The following ENTREP2 variants were observed in gnomAD, a reference collection of about 807,000 sequenced individuals.
ENTREP2 encodes the protein endosomal transmembrane epsin interactor 2.
At chr15:29,572,684 A>C in the ENTREP2 span, among the ~76,000 whole-genome samples, 1 of 152,092 alleles carries the variant, frequency 6.6e-6, no homozygotes, top group Non-Finnish European at 1.5e-5. Context: ...ATACTATTCA[A>C]AAAATAGTAT....
the ENTREP2 span, among the ~76,000 whole-genome samples, chr15:29,462,124 AC>A: frequency 6.6e-6 from 1 of 152,038 alleles, no homozygotes; most frequent in Non-Finnish European, 1.5e-5. Context: ...ACAGGTGTAA[AC>A]CACATTCTGT....
chr15:29,411,216 G>A, the ENTREP2 span, among the ~76,000 whole-genome samples: 1 of 152,194 alleles, frequency 6.6e-6, no homozygotes, highest in Non-Finnish European at 1.5e-5. Context: ...ATATGCTTAT[G>A]AGTAGAACTG....
At chr15:29,320,504 A>C in the ENTREP2 span, among the ~76,000 whole-genome samples, 1 of 152,228 alleles carries the variant, frequency 6.6e-6, no homozygotes, top group Non-Finnish European at 1.5e-5. Flanking sequence ...GGTAAAAGGC[A>C]AGGAAAAAAG....
At chr15:29,236,463 T>C in the ENTREP2 span, among the ~76,000 whole-genome samples, 4 of 151,738 alleles carry the variant, frequency 2.6e-5, no homozygotes, top group African/African-American at 9.7e-5. Flanking sequence ...CTGGGCAACA[T>C]AGTGAGACTT....
the ENTREP2 span, among the ~76,000 whole-genome samples, chr15:29,378,144 G>A: frequency 6.6e-6 from 1 of 151,604 alleles, no homozygotes; most frequent in Admixed American, 6.6e-5. Context: ...CATTACTTAA[G>A]GTGTGGAAGC....
At chr15:29,465,997 A>G in the ENTREP2 span, among the ~76,000 whole-genome samples, 62 of 152,330 alleles carry the variant, frequency 4.1e-4, no homozygotes, top group African/African-American at 1.4e-3. Flanking sequence ...TGCCAGGTTC[A>G]TTCATTTATC....
the ENTREP2 span, among the ~76,000 whole-genome samples, chr15:29,150,992 A>C: frequency 6.6e-6 from 1 of 152,104 alleles, no homozygotes; most frequent in Non-Finnish European, 1.5e-5. Flanking sequence ...GTGCGCATAG[A>C]TATTCCTACC....
At chr15:29,333,694 T>C in the ENTREP2 span, among the ~76,000 whole-genome samples, 2 of 152,180 alleles carry the variant, frequency 1.3e-5, no homozygotes, top group African/African-American at 2.4e-5. Flanking sequence ...GTGGTTATCC[T>C]ATGTTATGGG....
chr15:29,492,258 G>T, the ENTREP2 span, among the ~76,000 whole-genome samples: 2 of 152,170 alleles, frequency 1.3e-5, no homozygotes, highest in African/African-American at 4.8e-5. Flanking sequence ...CAAAGTCATT[G>T]TAAGAATTAG....
chr15:29,654,626 A>G, the ENTREP2 span, among the ~76,000 whole-genome samples: 5 of 152,202 alleles, frequency 3.3e-5, no homozygotes, highest in African/African-American at 1.2e-4. Context: ...GGTGAGATCC[A>G]TATCTCTATG....
chr15:29,235,887 C>T, the ENTREP2 span, among the ~76,000 whole-genome samples: 2 of 151,876 alleles, frequency 1.3e-5, no homozygotes, highest in Non-Finnish European at 2.9e-5. Flanking sequence ...TGCTTGAACC[C>T]GTGAGGCAGA....
the ENTREP2 span, among the ~76,000 whole-genome samples, chr15:29,314,766 A>C: frequency 6.6e-6 from 1 of 152,202 alleles, no homozygotes; most frequent in Non-Finnish European, 1.5e-5. Context: ...AAAATGTAAT[A>C]GAAGGCCAGG....
the ENTREP2 span, among the ~76,000 whole-genome samples, chr15:29,583,058 G>A: frequency 6.6e-6 from 1 of 152,278 alleles, no homozygotes; most frequent in African/African-American, 2.4e-5. Context: ...AAATTTCTGA[G>A]CTCTAAAGAA....
the ENTREP2 span, among the ~76,000 whole-genome samples, chr15:29,450,814 C>T: frequency 1.3e-5 from 2 of 152,082 alleles, no homozygotes; most frequent in Non-Finnish European, 2.9e-5. Flanking sequence ...TGCAAAGGAA[C>T]ATAGATGGCC....
chr15:29,565,730 G>C, the ENTREP2 span, among the ~76,000 whole-genome samples: 855 of 152,266 alleles, frequency 5.6e-3, 8 homozygotes, highest in African/African-American at 0.019. Flanking sequence ...TTGGGAGGCT[G>C]AGGCAGGCGG....
chr15:29,233,456 T>C, the ENTREP2 span, among the ~76,000 whole-genome samples: 4 of 152,234 alleles, frequency 2.6e-5, no homozygotes, highest in Non-Finnish European at 5.9e-5. Context: ...AATTTTGTTA[T>C]ACTGAGAGAG....
At chr15:29,368,327 C>CAA in the ENTREP2 span, among the ~76,000 whole-genome samples, 49 of 139,118 alleles carry the variant, frequency 3.5e-4, no homozygotes, top group African/African-American at 1.2e-3. Flanking sequence ...GACTCCATCT[C>CAA]AAAAAAAAAA....
At chr15:29,531,484 A>G in the ENTREP2 span, among the ~76,000 whole-genome samples, 5 of 152,186 alleles carry the variant, frequency 3.3e-5, no homozygotes, top group African/African-American at 1.2e-4. Flanking sequence ...AACTGGGCAG[A>G]ACATGAAGGG....
the ENTREP2 span, among the ~76,000 whole-genome samples, chr15:29,413,466 G>A: frequency 5.3e-5 from 8 of 152,164 alleles, 1 homozygote; most frequent in South Asian, 1.7e-3. Context: ...TTTGTTATAT[G>A]TAATGAGCCT....
Sources: allele counts gnomAD v4.1 joint callset (sites outside exome capture counted in the v4.1 genomes callset), GRCh38; gene constraint gnomAD v4.1.1; transcripts MANE v1.5; gene names NCBI Gene and HGNC (gene_info 2026-07-23, HGNC 2026-07-21).